NSD1: variants seen among roughly 807,000 people sequenced by gnomAD.
NSD1 encodes histone-lysine N-methyltransferase, H3 lysine-36 specific.
NSD1 carries 26 observed loss-of-function variants against 242.7 expected under a neutral mutation model. The ratio of observed to expected loss-of-function variants is 0.11; its 90% confidence interval spans 0.08 to 0.15. The LOEUF is 0.15. Ranked by LOEUF, NSD1 falls within the 10% of genes least tolerant of loss-of-function variation. The pLI is 1.00. For synonymous variants in NSD1, 1,106 were observed against 1,178.1 expected (o/e 0.94, Z 1.25); for missense variants, 2,495 against 3,272.8 (o/e 0.76, Z 5.80).
At chr5:177,154,887 G>T (rs1757996869) in intron 2 of NSD1, among the ~76,000 whole-genome samples, 1 of 151,496 alleles carries the variant, frequency 6.6e-6, no homozygotes, top group Non-Finnish European at 1.5e-5. Flanking sequence ...GTAGCGACGG[G>T]GTTTCACCAT....
chr5:177,298,383 C>T lies in NSD1; in HGVS notation c.*2924C>T, dbSNP rs1299239741. The T allele has an allele frequency of 8.6e-6, 2 of 233,210 alleles. No individual in the cohort carries two copies. The highest frequency in any genetic ancestry group is 2.2e-5 in the African/African-American group (1 of 45,448). 14.4% of individuals were successfully genotyped at this position (233,210 alleles called of 1,614,324 possible). On this transcript the variant is annotated 3_prime_UTR_variant, in exon 23 of 23. Coordinates refer to ENST00000439151, the MANE Select transcript of NSD1 (RefSeq NM_022455.5). ...AAAAGTTGAAATTCTCCATGGGTAG[C>T]TAGAAAGCCAATACATCTAGCCCTG...
chr5:177,198,404 T>G (rs1201834455), intron 3 of NSD1, among the ~76,000 whole-genome samples: 1 of 152,174 alleles, frequency 6.6e-6, no homozygotes, highest in Non-Finnish European at 1.5e-5. Context: ...GAGGGCTGTC[T>G]TCCTGACTTG....
intron 11 of NSD1, among the ~76,000 whole-genome samples, chr5:177,249,709 G>C (rs919409870): frequency 6.6e-6 from 1 of 152,094 alleles, no homozygotes; most frequent in African/African-American, 2.4e-5. Context: ...GGATGGTCTC[G>C]ATCTCCTGAC....
rs35845155 is a variant in NSD1 at position 177,294,269 on chromosome 5, G to T, written c.6901G>T (p.Gly2301Trp). 1 of 1,613,536 alleles carries T rather than the reference G, an allele frequency of 6.2e-7. No individual in the cohort carries two copies. The highest frequency in any genetic ancestry group is 1.7e-5 in the Admixed American group (1 of 60,008). ...TTTAGATAAGGTCAGAGACCTCGCT[G>T]GGTCAGGGACCAAATCCCAATCCTT... ...QPLDKVRDLA[G>W]SGTKSQSLVS... Residue 2301 changes from glycine (G) to tryptophan (W), a missense_variant, in exon 23 of 23, where the codon GGG becomes TGG. Transcript: ENST00000439151.
intron 2 of NSD1, among the ~76,000 whole-genome samples, chr5:177,159,167 C>T (rs1758519422): frequency 1.3e-5 from 2 of 150,938 alleles, no homozygotes; most frequent in Non-Finnish European, 1.5e-5. Flanking sequence ...CTCAGCCTCC[C>T]GAGTTGCTGG....
rs1271689397 is a variant in NSD1 at position 177,135,987 on chromosome 5, T to C, written c.884T>C (p.Leu295Ser). 1 of 1,614,164 alleles carries C rather than the reference T, an allele frequency of 6.2e-7. No individual in the cohort carries two copies. ...STSTLGNMLE[L>S]PGTSSSSTSQ... ...AGTACATTAGGAAACATGCTAGAAT[T>C]ACCTGGAACTTCATCATCATCTACT... The change falls in exon 2 of 23, where the codon TTA becomes TCA. Residue 295 changes from leucine (L) to serine (S), a missense_variant. By Grantham distance (145) the Leu-to-Ser change is moderately radical. Coordinates refer to ENST00000439151, the MANE Select transcript of NSD1 (RefSeq NM_022455.5).
Position 177,266,676 on chromosome 5 carries a change from G to A in NSD1, c.5147-886G>A, listed in dbSNP as rs531442070. On this transcript the variant is annotated intron_variant, in intron 14 of 22. Coordinates refer to ENST00000439151, the MANE Select transcript of NSD1 (RefSeq NM_022455.5). ...TTAAGAGGTGAAAGAAGCACAGTGA[G>A]AACAAGATTAACTCGGATATATTCT... 975 of 330,062 alleles carry A rather than the reference G, an allele frequency of 3.0e-3. 1 individual carries two copies. Among genetic ancestry groups the A allele is most frequent in the Non-Finnish European group, 4.2e-3 (770 of 182,626 alleles). 20.4% of individuals were successfully genotyped at this position (330,062 alleles called of 1,614,324 possible). A position where few individuals can be genotyped will look rare whatever the true frequency, so the allele number is the denominator to read the frequency against.
At chr5:177,213,741 G>A (rs543191931) in intron 5 of NSD1, among the ~76,000 whole-genome samples, 38 of 152,280 alleles carry the variant, frequency 2.5e-4, no homozygotes, top group Admixed American at 8.5e-4. Context: ...AAAGTGCTGG[G>A]ATTACAGGCG....
rs2127281331 is a variant in NSD1, at chr5:177,294,474, G to A, written c.7106G>A (p.Ser2369Asn). The A allele has an allele frequency of 6.2e-7, 1 of 1,614,190 alleles. No individual in the cohort carries two copies. The highest frequency in any genetic ancestry group is 1.1e-5 in the South Asian group (1 of 91,086). ...CTGGATAAATCCATAGGTGCTGCCA[G>A]CCCAAGGCCCCAGTCACTGGAGAAA... ...PRLDKSIGAA[S>N]PRPQSLEKTS... Residue 2369 changes from serine (S) to asparagine (N), a missense_variant, in exon 23 of 23, where the codon AGC becomes AAC. Physicochemically the swap from Ser to Asn is conservative, Grantham distance 46 (BLOSUM62 1). Transcript: ENST00000439151.
intron 2 of NSD1, among the ~76,000 whole-genome samples, chr5:177,147,886 G>A (rs568084604): frequency 2.0e-5 from 3 of 151,350 alleles, no homozygotes; most frequent in Admixed American, 6.6e-5. Flanking sequence ...CACTGCGCAC[G>A]GCCCTAGTTT....
At chr5:177,262,919 T>C (rs961776637) in intron 14 of NSD1, among the ~76,000 whole-genome samples, 1 of 152,236 alleles carries the variant, frequency 6.6e-6, no homozygotes, top group African/African-American at 2.4e-5. Flanking sequence ...CTCTGCCCTA[T>C]TTATGTAAAA....
intron 3 of NSD1, among the ~76,000 whole-genome samples, chr5:177,196,411 A>G (rs1426778456): frequency 2.0e-5 from 3 of 152,212 alleles, no homozygotes; most frequent in African/African-American, 4.8e-5. Flanking sequence ...ATTAGTGATT[A>G]TGGTGTGATG....
At chr5:177,266,601 C>A in intron 14 of NSD1, 1 of 652,016 alleles carries the variant, frequency 1.5e-6, no homozygotes, top group Non-Finnish European at 2.3e-6. Flanking sequence ...TCACCCGCAC[C>A]TACTCCTCTT....
chr5:177,166,544 G>GA (rs756528813), intron 2 of NSD1, among the ~76,000 whole-genome samples: 2,459 of 139,086 alleles, frequency 0.018, 46 homozygotes, highest in African/African-American at 0.053. Context: ...GATGCTGTCT[G>GA]AAAAAAAAAA....
At chr5:177,261,061 A>G (rs1260788332) in intron 14 of NSD1, among the ~76,000 whole-genome samples, 2 of 151,914 alleles carry the variant, frequency 1.3e-5, no homozygotes, top group African/African-American at 2.4e-5. Flanking sequence ...TAAATTTTCT[A>G]TATATTTTAT....
chr5:177,161,314 C>A (rs1232463185), intron 2 of NSD1, among the ~76,000 whole-genome samples: 1 of 151,814 alleles, frequency 6.6e-6, no homozygotes, highest in Admixed American at 6.6e-5. Flanking sequence ...TCAGGAGTTC[C>A]AGGCTGCAGT....
intron 2 of NSD1, among the ~76,000 whole-genome samples, chr5:177,158,278 TTTCTTTCTTTCTTTCTTTC>T (rs1758329991): frequency 3.1e-5 from 3 of 97,374 alleles, no homozygotes; most frequent in African/African-American, 1.7e-4. Context: ...TCTTTCTTTC[TTTCTTTCTTTCTTTCTTTC>T]TTTCTTTTCT....
At chr5:177,248,002 C>T (rs752423480) in intron 10 of NSD1, 179 bp from the exon 11 acceptor site, 4 of 985,260 alleles carry the variant, frequency 4.1e-6, no homozygotes, top group African/African-American at 1.7e-5. Context: ...GGGCATGAGG[C>T]GCCCACTACC....
intron 2 of NSD1, among the ~76,000 whole-genome samples, chr5:177,158,845 G>A (rs1758425932): frequency 9.0e-6 from 1 of 111,130 alleles, no homozygotes; most frequent in Non-Finnish European, 1.7e-5. Context: ...AGGAAGTAAT[G>A]GCAAAAACTG....
Sources: gnomAD v4.1 joint callset for allele counts (sites outside exome capture counted in the v4.1 genomes callset) on GRCh38, gnomAD v4.1.1 for gene constraint, MANE v1.5 for transcripts, NCBI Gene and HGNC (gene_info 2026-07-23, HGNC 2026-07-21) for gene names.